The following ANXA4 variants were observed in gnomAD, a reference collection of about 807,000 sequenced individuals.
ANXA4 encodes the protein annexin A4.
A neutral mutation model predicts 49.8 loss-of-function variants in ANXA4; 39 were observed. The ratio of observed to expected loss-of-function variants is 0.78; its 90% confidence interval spans 0.61 to 1.02. The LOEUF (loss-of-function observed/expected upper bound fraction) is 1.02. Ranked by LOEUF, ANXA4 falls within the 50% of genes least tolerant of loss-of-function variation. ANXA4 has a pLI of 0.00. For missense variants in ANXA4, 360 were observed against 410.1 expected (o/e 0.88, Z 1.05); for synonymous variants, 134 against 152.5 (o/e 0.88, Z 0.89).
chr2:69,774,254 T>C (rs1671868418), intron 1 of ANXA4, among the ~76,000 whole-genome samples: 1 of 151,624 alleles, frequency 6.6e-6, no homozygotes, highest in African/African-American at 2.4e-5. Context: ...AAGGGGAAAC[T>C]GAGAGAGAAA....
chr2:69,820,771 C>A lies in ANXA4; in HGVS notation c.856C>A (p.Arg286=). Residue 286 remains arginine, a synonymous_variant, in exon 12 of 13, where the codon CGG becomes AGG. Coordinates refer to ENST00000394295, the MANE Select transcript of ANXA4 (RefSeq NM_001153.5). ...SRAEIDMLDI[R]AHFKRLYGKS... ...AGCAGAAATTGACATGTTGGATATC[C>A]GGGCACACTTCAAGAGACTCTATGG... The A allele has an allele frequency of 6.2e-7, 1 of 1,614,028 alleles. No individual in the cohort carries two copies. The highest frequency in any genetic ancestry group is 8.5e-7 in the Non-Finnish European group (1 of 1,179,998).
intron 5 of ANXA4, 123 bp downstream of exon 5, chr2:69,806,621 G>A (rs1262288652): frequency 9.7e-5 from 69 of 713,692 alleles, no homozygotes; most frequent in Non-Finnish European, 1.5e-4. Context: ...ATGGTAGACT[G>A]GATAAAGAAA....
chr2:69,793,031 A>C (rs889187175), intron 3 of ANXA4, among the ~76,000 whole-genome samples: 6 of 151,256 alleles, frequency 4.0e-5, no homozygotes, highest in African/African-American at 1.4e-4. Context: ...AGGCGGGCGG[A>C]TCACGAGGTC....
chr2:69,706,204 A>T (rs1678490510), intron 2 of ANXA4, among the ~76,000 whole-genome samples: 1 of 149,982 alleles, frequency 6.7e-6, no homozygotes, highest in Admixed American at 6.7e-5. Context: ...ATGAATGTTC[A>T]ATTTTGCTAA....
At chr2:69,697,862 G>A (rs1344527258) in intron 2 of ANXA4, among the ~76,000 whole-genome samples, 1 of 151,794 alleles carries the variant, frequency 6.6e-6, no homozygotes, top group African/African-American at 2.4e-5. Context: ...GGTGGCTCAG[G>A]GACTGGGCAA....
At chr2:69,716,902 A>G (rs1049193427) in intron 2 of ANXA4, among the ~76,000 whole-genome samples, 1 of 152,246 alleles carries the variant, frequency 6.6e-6, no homozygotes, top group African/African-American at 2.4e-5. Context: ...CTGAGTCATC[A>G]ATTCAGCTGT....
At chr2:69,655,399 T>A (rs1000592615) in intron 2 of ANXA4, among the ~76,000 whole-genome samples, 2 of 152,160 alleles carry the variant, frequency 1.3e-5, no homozygotes, top group African/African-American at 2.4e-5. Flanking sequence ...AAAGAAGACA[T>A]TTATGTAGCC....
At chr2:69,781,330 T>C in intron 1 of ANXA4, 190 bp from the exon 2 acceptor site, 3 of 595,848 alleles carry the variant, frequency 5.0e-6, no homozygotes, top group South Asian at 2.1e-5. Context: ...TGTGATAAAG[T>C]TGACTTTTTT....
rs536895725 is a variant in ANXA4, at chr2:69,703,955, C to T, written n.767-16819C>T. ...CCCCCGCAGCTTAAATGTTTTAATTCTTGTAACTTCAAAATGTATTTAAAT... is the reference window on the plus strand; with the variant it reads ...CCCCCGCAGCTTAAATGTTTTAATTTTTGTAACTTCAAAATGTATTTAAAT... On this transcript the variant is annotated intron_variant and non_coding_transcript_variant, in intron 2 of 3. Coordinates refer to the ANXA4 transcript ENST00000418066. Among the ~76,000 whole-genome samples, 10 of 152,120 alleles carry T rather than the reference C, an allele frequency of 6.6e-5. No homozygotes were observed. The East Asian group carries it at 1.7e-3, about 26-fold the overall frequency.
At chr2:69,675,524 A>G (rs1677374588) in intron 2 of ANXA4, among the ~76,000 whole-genome samples, 1 of 152,186 alleles carries the variant, frequency 6.6e-6, no homozygotes, top group Non-Finnish European at 1.5e-5. Context: ...CCTCTTTCAC[A>G]CTGTCAGGCT....
intron 8 of ANXA4, chr2:69,814,899 CA>C (rs1673913988): frequency 6.6e-6 from 1 of 152,090 alleles, no homozygotes; most frequent in Non-Finnish European, 1.5e-5. Context: ...AGTCTGAGTC[CA>C]AAGGCCTGAG....
intron 3 of ANXA4, among the ~76,000 whole-genome samples, chr2:69,725,925 G>T (rs1280331664): frequency 6.6e-6 from 1 of 152,134 alleles, no homozygotes; most frequent in African/African-American, 2.4e-5. Flanking sequence ...TTCATGATTT[G>T]GTTCTTGTGA....
intron 2 of ANXA4, among the ~76,000 whole-genome samples, chr2:69,658,732 T>A (rs1387672038): frequency 6.6e-6 from 1 of 152,212 alleles, no homozygotes; most frequent in African/African-American, 2.4e-5. Context: ...TCTCGCTCTG[T>A]CGCCCAGGCT....
intron 2 of ANXA4, among the ~76,000 whole-genome samples, chr2:69,683,847 C>T (rs938590013): frequency 6.6e-6 from 1 of 152,170 alleles, no homozygotes; most frequent in African/African-American, 2.4e-5. Flanking sequence ...CAGAACAAAG[C>T]GGTGGTGAAC....
intron 1 of ANXA4, among the ~76,000 whole-genome samples, chr2:69,745,954 T>C (rs1424333953): frequency 6.6e-6 from 1 of 152,182 alleles, no homozygotes; most frequent in Non-Finnish European, 1.5e-5. Context: ...GTATAAACTC[T>C]AGGTAATGTG....
chr2:69,801,369 C>T (rs900772438), intron 3 of ANXA4, among the ~76,000 whole-genome samples: 3 of 151,750 alleles, frequency 2.0e-5, no homozygotes, highest in Non-Finnish European at 2.9e-5. Flanking sequence ...GGAAGTTCTG[C>T]CAAGGACTCT....
Position 69,658,012 on chromosome 2 carries a change from C to T in ANXA4, n.766+4730C>T, listed in dbSNP as rs542068539. ...TTTTTCTTTGCACTCCTGAAATATA[C>T]GCAAAAATACTCAAAGGTTTTATTC... On this transcript the variant is annotated intron_variant and non_coding_transcript_variant, in intron 2 of 3. Coordinates refer to the ANXA4 transcript ENST00000418066. Among the ~76,000 whole-genome samples, 210 of 152,034 alleles carry T rather than the reference C, an allele frequency of 1.4e-3. 2 individuals are homozygous for T. Among genetic ancestry groups the T allele is most frequent in the South Asian group, 8.1e-3 (39 of 4,820 alleles).
intron 1 of ANXA4, among the ~76,000 whole-genome samples, chr2:69,777,963 G>A (rs1430842827): frequency 6.6e-6 from 1 of 152,212 alleles, no homozygotes; most frequent in Non-Finnish European, 1.5e-5. Flanking sequence ...CATTTCTGCT[G>A]TTGTAGCTTG....
chr2:69,790,585 G>T (rs1303756443), intron 3 of ANXA4, among the ~76,000 whole-genome samples: 1 of 152,170 alleles, frequency 6.6e-6, no homozygotes, highest in African/African-American at 2.4e-5. Context: ...CAGATGGGTT[G>T]TGCTGCTGTA....
Sources: allele counts gnomAD v4.1 joint callset (sites outside exome capture counted in the v4.1 genomes callset), GRCh38; gene constraint gnomAD v4.1.1; transcripts MANE v1.5; gene names NCBI Gene and HGNC (gene_info 2026-07-23, HGNC 2026-07-21).